HGS: variants seen among roughly 807,000 people sequenced by gnomAD.
HGS encodes the protein hepatocyte growth factor-regulated tyrosine kinase substrate.
Under a neutral mutation model 109.7 loss-of-function variants are expected in HGS, and 63 were observed. The observed-to-expected ratio is 0.57, with a 90% CI of 0.47 to 0.71. The LOEUF is 0.71. HGS is among the 30% of genes least tolerant of loss of function. HGS has a pLI of 0.00. For synonymous variants in HGS, 546 were observed against 437.3 expected (o/e 1.25, Z -3.10); for missense variants, 995 against 1,068.3 (o/e 0.93, Z 0.96).
chr17:81,684,985 C>T (rs1259883710), intron 1 of HGS: 9 of 985,212 alleles, frequency 9.1e-6, no homozygotes, highest in Non-Finnish European at 9.6e-6. Flanking sequence ...TTTCTGTATC[C>T]GGGAAAGGCG....
At chr17:81,701,426 T>C (rs1173650200) in intron 21 of HGS, 82 bp from the exon 22 acceptor site, 3 of 1,406,486 alleles carry the variant, frequency 2.1e-6, no homozygotes, top group Non-Finnish European at 2.9e-6. Flanking sequence ...CTTGTGGGTC[T>C]GTGGCTCTGC....
Position 81,688,708 on chromosome 17 carries a change from A to G in HGS, c.296A>G (p.Gln99Arg). 6.2e-7 allele frequency: 1 copy of G among 1,613,836 alleles called. No individual in the cohort carries two copies. Among genetic ancestry groups the G allele is most frequent in the South Asian group, 1.1e-5 (1 of 91,012 alleles). Residue 99 changes from glutamine to arginine, a missense_variant, in exon 5 of 22, where the codon CAA becomes CGA. Transcript: ENST00000329138. ...CCCCCTTCTCCCTGCCTGCAGAGACAAGTGGAGGTAAACGTCCGTAACAAG... is the reference window on the plus strand; with the variant it reads ...CCCCCTTCTCCCTGCCTGCAGAGACGAGTGGAGGTAAACGTCCGTAACAAG... ...MEELKDLLKR[Q>R]VEVNVRNKIL...
intron 5 of HGS, 118 bp downstream of exon 5, chr17:81,688,945 G>T: frequency 7.3e-7 from 1 of 1,365,238 alleles, no homozygotes; most frequent in Non-Finnish European, 1.0e-6. Context: ...TTGGGAGGGA[G>T]GAGGGCGGTG....
In HGS at chr17:81,701,721, G is replaced by A; in HGVS notation, c.*103G>A. Reference sequence around the variant, plus strand: ...GCCTCCCTGTCCTCTACTGCCGGTAGTGTCCCTTCTCTGCGAGTGAGGGGG... The same window carrying A: ...GCCTCCCTGTCCTCTACTGCCGGTAATGTCCCTTCTCTGCGAGTGAGGGGG... On this transcript the variant is annotated 3_prime_UTR_variant, in exon 22 of 22. Transcript: ENST00000329138. 1 of 1,456,068 alleles carries A rather than the reference G, an allele frequency of 6.9e-7. No homozygotes were observed. Among genetic ancestry groups the A allele is most frequent in the Non-Finnish European group, 9.1e-7 (1 of 1,098,504 alleles). The allele number at this position is 1,456,068 out of a possible 1,614,324, so 90.2% of individuals were successfully genotyped here.
intron 5 of HGS, among the ~76,000 whole-genome samples, chr17:81,689,713 G>A (rs955550728): frequency 7.9e-5 from 12 of 152,172 alleles, no homozygotes; most frequent in Non-Finnish European, 1.3e-4. Context: ...CGCAGGGGGC[G>A]CTGCACGAGC....
chr17:81,693,740 G>T lies in HGS; in HGVS notation c.828G>T (p.Glu276Asp). 1 of 1,555,014 alleles carries T rather than the reference G, an allele frequency of 6.4e-7. No individual in the cohort carries two copies. Residue 276 changes from glutamate (E) to aspartate (D), a missense_variant, in exon 10 of 22, where the codon GAG (glutamate) becomes GAT (aspartate). Glu to Asp is a conservative substitution (Grantham distance 45, BLOSUM62 2). Coordinates refer to ENST00000329138, the MANE Select transcript of HGS (RefSeq NM_004712.5). Reference protein sequence around the residue: ...ALALSQSEAEEKERLRQKSTY... With the variant: ...ALALSQSEAEDKERLRQKSTY... ...CGCTGTCACAGTCAGAGGCGGAGGAGAAGGAGAGGCTGGTAAGCCGGGTGG... is the reference window on the plus strand; with the variant it reads ...CGCTGTCACAGTCAGAGGCGGAGGATAAGGAGAGGCTGGTAAGCCGGGTGG...
At chr17:81,693,610 C>A in intron 9 of HGS, 29 bp downstream of exon 9, 3 of 1,555,488 alleles carry the variant, frequency 1.9e-6, no homozygotes, top group African/African-American at 2.7e-5. Flanking sequence ...CCCGTGGGCA[C>A]CTCTTCCCCG....
intron 1 of HGS, 85 bp from the exon 2 acceptor site, chr17:81,685,520 T>TC (rs1399797981): frequency 2.2e-5 from 18 of 800,372 alleles, no homozygotes; most frequent in South Asian, 5.1e-5. Flanking sequence ...AAGGAGAGAG[T>TC]CCCCCCCAGC....
At chr17:81,689,332 G>A (rs145724746) in intron 5 of HGS, among the ~76,000 whole-genome samples, 159 of 152,260 alleles carry the variant, frequency 1.0e-3, no homozygotes, top group Admixed American at 2.3e-3. Context: ...TGGAGTTCAG[G>A]GTTGCTGTCA....
chr17:81,686,306 T>C lies in HGS; in HGVS notation c.123-6T>C. 6.2e-7 allele frequency: 1 copy of C among 1,612,390 alleles called. No individual in the cohort carries two copies. Among genetic ancestry groups the C allele is most frequent in the Non-Finnish European group, 8.5e-7 (1 of 1,178,906 alleles). On this transcript the variant is annotated splice_region_variant and splice_polypyrimidine_tract_variant and intron_variant, in intron 2 of 21. Coordinates refer to ENST00000329138, the MANE Select transcript of HGS (RefSeq NM_004712.5). ...TTCTCTGCTTTTATCAATGTTTCCTTTTCAGAGCAAAATATGCTGTGAATT... is the reference window on the plus strand; with the variant it reads ...TTCTCTGCTTTTATCAATGTTTCCTCTTCAGAGCAAAATATGCTGTGAATT...
At chr17:81,684,179 G>T in intron 1 of HGS, 76 bp downstream of exon 1, 1 of 1,289,588 alleles carries the variant, frequency 7.8e-7, no homozygotes, top group Non-Finnish European at 1.0e-6. Context: ...GCGCGGCCCC[G>T]AGGGCCCGAG....
rs772895658 is a variant in HGS at position 81,693,767 on chromosome 17, G to A, written c.840+15G>A. ...AGGAGAGGCTGGTAAGCCGGGTGGG[G>A]CGGGGCGGCCTCAGGAGGGGCCCAG... On this transcript the variant is annotated intron_variant, in intron 10 of 21. Transcript: ENST00000329138. 6.5e-7 allele frequency: 1 copy of A among 1,538,608 alleles called. No individual in the cohort carries two copies. Among genetic ancestry groups the A allele is most frequent in the Non-Finnish European group, 8.7e-7 (1 of 1,144,974 alleles).
chr17:81,691,366 T>G lies in HGS; in HGVS notation c.538-81T>G. ...CCACCTGTGAGGCCCAGCTTCGGCA[T>G]CGTACGGGGTGGTTCTGGGCCGGGT... On this transcript the variant is annotated intron_variant, in intron 7 of 21. Transcript: ENST00000329138. The surrounding 1 kb of genome is among the most constrained non-coding windows in gnomAD (Gnocchi z 5.3). 1.3e-6 allele frequency: 2 copies of G among 1,570,020 alleles called. No individual in the cohort carries two copies. The highest frequency in any genetic ancestry group is 2.3e-5 in the South Asian group (2 of 88,712).
Position 81,684,013 on chromosome 17 carries a change from G to A in HGS, c.-54G>A. The A allele has an allele frequency of 1.3e-6, 2 of 1,564,336 alleles. No individual in the cohort carries two copies. The highest frequency in any genetic ancestry group is 2.3e-5 in the East Asian group (1 of 43,048). ...GGCGGAAGCGGAAGTCGGGGGGCGCGCCAGCTCGTAGCAGGGGAGCGCCCG... is the reference window on the plus strand; with the variant it reads ...GGCGGAAGCGGAAGTCGGGGGGCGCACCAGCTCGTAGCAGGGGAGCGCCCG... On this transcript the variant is annotated 5_prime_UTR_variant, in exon 1 of 22. Coordinates refer to ENST00000329138, the MANE Select transcript of HGS (RefSeq NM_004712.5).
Position 81,696,909 on chromosome 17 carries a change from C to T in HGS, c.1793C>T (p.Ser598Leu), listed in dbSNP as rs1568218202. The T allele has an allele frequency of 3.1e-6, 5 of 1,608,876 alleles. No individual in the cohort carries two copies. The highest frequency in any genetic ancestry group is 2.2e-5 in the South Asian group (2 of 91,070). ...SFPSTFSPAG[S>L]VEGSPMHGVY... ...CCCAGCACCTTCAGCCCTGCCGGCTCGGTGGAGGGCTCCCCAATGCACGGC... is the reference window on the plus strand; with the variant it reads ...CCCAGCACCTTCAGCCCTGCCGGCTTGGTGGAGGGCTCCCCAATGCACGGC... Residue 598 changes from serine to leucine, a missense_variant, in exon 18 of 22, where the codon TCG (serine) becomes TTG (leucine). Physicochemically the swap from Ser to Leu is moderately radical, Grantham distance 145 (BLOSUM62 -2). Transcript: ENST00000329138.
rs200539650 is a variant in HGS at position 81,701,645 on chromosome 17, A to G, written c.*27A>G. 482 of 1,532,194 alleles carry G rather than the reference A, an allele frequency of 3.1e-4. No homozygotes were observed. Among genetic ancestry groups the G allele is most frequent in the South Asian group, 9.6e-4 (81 of 84,162 alleles). 94.9% of individuals were successfully genotyped at this position (1,532,194 alleles called of 1,614,324 possible). A position where few individuals can be genotyped will look rare whatever the true frequency, so the allele number is the denominator to read the frequency against. On this transcript the variant is annotated 3_prime_UTR_variant, in exon 22 of 22. Transcript: ENST00000329138. Reference sequence around the variant, plus strand: ...CCAGGCCATGCTCACGTCCGGAGTAACACTACATACAGTTCACCTGAAACG... The same window carrying G: ...CCAGGCCATGCTCACGTCCGGAGTAGCACTACATACAGTTCACCTGAAACG...
At chr17:81,700,210 C>CA (rs1006521478) in intron 18 of HGS, among the ~76,000 whole-genome samples, 7 of 144,114 alleles carry the variant, frequency 4.9e-5, no homozygotes, top group South Asian at 2.2e-4. Flanking sequence ...ATTAAAAGTA[C>CA]AAAAAAAAAT....
intron 19 of HGS, 33 bp downstream of exon 19, chr17:81,700,633 G>GCCAGCCCCAGCCCCAGCC (rs142478779): frequency 2.5e-6 from 4 of 1,577,890 alleles, no homozygotes; most frequent in East Asian, 4.5e-5. Flanking sequence ...TCCTTCCAGG[G>GCCAGCCCCAGCCCCAGCC]CCAGCCCCAG....
chr17:81,686,618 T>A (rs981610567), intron 3 of HGS, among the ~76,000 whole-genome samples: 1 of 152,208 alleles, frequency 6.6e-6, no homozygotes, highest in Non-Finnish European at 1.5e-5. Flanking sequence ...CTTCAGCCGG[T>A]CCTGCGTGAG....
Sources: gnomAD v4.1 joint callset for allele counts (sites outside exome capture counted in the v4.1 genomes callset) on GRCh38, gnomAD v4.1.1 for gene constraint, Gnocchi (gnomAD v3.1) non-coding constraint, MANE v1.5 for transcripts, NCBI Gene and HGNC (gene_info 2026-07-23, HGNC 2026-07-21) for gene names.